The following ME1 variants were observed in gnomAD, a reference collection of about 807,000 sequenced individuals.
ME1 encodes malic enzyme 1.
A neutral mutation model predicts 66.4 loss-of-function variants in ME1; 74 were observed. The observed-to-expected ratio is 1.11, with a 90% CI of 0.92 to 1.35. The LOEUF (loss-of-function observed/expected upper bound fraction) is 1.35, where lower values mean the gene tolerates loss of function less well. ME1 is among the 40% of genes most tolerant of loss of function. The pLI, the probability that ME1 is intolerant of heterozygous loss-of-function variation, is 0.00. For missense variants in ME1, 750 were observed against 694.1 expected (o/e 1.08, Z -0.90); for synonymous variants, 251 against 235.6 (o/e 1.07, Z -0.60).
intron 1 of ME1, among the ~76,000 whole-genome samples, chr6:83,412,984 T>C (rs930580831): frequency 3.9e-5 from 6 of 152,344 alleles, no homozygotes; most frequent in Middle Eastern, 3.4e-3. Flanking sequence ...TGAATTTTAT[T>C]AGACTCTATA....
At chr6:83,354,554 A>C (rs1011098214) in intron 3 of ME1, among the ~76,000 whole-genome samples, 1 of 152,142 alleles carries the variant, frequency 6.6e-6, no homozygotes, top group Non-Finnish European at 1.5e-5. Flanking sequence ...TCATTATTCA[A>C]TCTTCAGCTA....
intron 12 of ME1, among the ~76,000 whole-genome samples, chr6:83,220,591 G>A (rs1376297822): frequency 6.6e-6 from 1 of 152,162 alleles, no homozygotes; most frequent in Non-Finnish European, 1.5e-5. Flanking sequence ...TATTAAATTT[G>A]TGGTTGCAAA....
intron 1 of ME1, among the ~76,000 whole-genome samples, chr6:83,421,789 A>G (rs1396062392): frequency 6.6e-6 from 1 of 152,134 alleles, no homozygotes; most frequent in Admixed American, 6.5e-5. Context: ...TCTAGTCCCA[A>G]CTCCCAGGTA....
At position 83,417,205 on chromosome 6, in the gene ME1, A is replaced by G. The variant is rs561232081; in HGVS notation, c.79-9304T>C. Among the ~76,000 whole-genome samples, 13 of 152,000 alleles carry G rather than the reference A, an allele frequency of 8.6e-5. No individual in the cohort carries two copies. In the East Asian group the frequency reaches 2.5e-3, roughly 30 times the overall value. On this transcript the variant is annotated intron_variant, in intron 1 of 13. Coordinates refer to ENST00000369705, the MANE Select transcript of ME1 (RefSeq NM_002395.6). ...GCTGGAACTATACGCATACACCACCACATCTGGAAAAAAAATTTTTTTTTG... is the reference window on the plus strand; with the variant it reads ...GCTGGAACTATACGCATACACCACCGCATCTGGAAAAAAAATTTTTTTTTG...
At chr6:83,300,835 G>A (rs1767701476) in intron 6 of ME1, among the ~76,000 whole-genome samples, 1 of 151,644 alleles carries the variant, frequency 6.6e-6, no homozygotes, top group South Asian at 2.1e-4. Context: ...AAGAAAATAT[G>A]GTACATATAC....
chr6:83,320,585 G>A (rs1233736981), intron 5 of ME1, among the ~76,000 whole-genome samples: 1 of 152,212 alleles, frequency 6.6e-6, no homozygotes, highest in Admixed American at 6.5e-5. Flanking sequence ...AGCAGCTGAA[G>A]TTGAAGTGCC....
chr6:83,262,021 A>G (rs1358715071), intron 6 of ME1, among the ~76,000 whole-genome samples: 7 of 151,678 alleles, frequency 4.6e-5, no homozygotes, highest in Non-Finnish European at 7.4e-5. Context: ...CTCAAAAAAA[A>G]AAAAAAAAAG....
chr6:83,344,450 G>T (rs1248880426), intron 5 of ME1, among the ~76,000 whole-genome samples: 1 of 152,140 alleles, frequency 6.6e-6, no homozygotes, highest in Non-Finnish European at 1.5e-5. Flanking sequence ...GGCTGTGGTG[G>T]CATGTAACTG....
At chr6:83,265,539 T>C (rs1281945272) in intron 6 of ME1, among the ~76,000 whole-genome samples, 1 of 152,042 alleles carries the variant, frequency 6.6e-6, no homozygotes, top group Non-Finnish European at 1.5e-5. Context: ...CAGCTCAAAC[T>C]ATTCACCCGC....
At chr6:83,321,044 G>A (rs1049614897) in intron 5 of ME1, among the ~76,000 whole-genome samples, 6 of 152,114 alleles carry the variant, frequency 3.9e-5, no homozygotes, top group South Asian at 2.1e-4. Context: ...CCCAGGAAGC[G>A]CAGGGGGTTA....
intron 5 of ME1, among the ~76,000 whole-genome samples, chr6:83,327,927 G>A (rs1768333355): frequency 6.6e-6 from 1 of 152,140 alleles, no homozygotes; most frequent in Non-Finnish European, 1.5e-5. Context: ...GCCAGCCGAT[G>A]CTTAGGAAAA....
intron 6 of ME1, among the ~76,000 whole-genome samples, chr6:83,286,220 T>C (rs948127188): frequency 6.6e-6 from 1 of 152,144 alleles, no homozygotes; most frequent in Non-Finnish European, 1.5e-5. Flanking sequence ...TTTCTTACCC[T>C]GAAAAATTAA....
At position 83,384,262 on chromosome 6, in the gene ME1, T is replaced by C. The variant is rs181341569; in HGVS notation, c.362+14105A>G. ...GAAATCTCCAAACTGCTTTCTACAG[T>C]GGCTAAAATAATTTACATTCCCACC... is the stretch of plus-strand genomic sequence containing the variant. On this transcript the variant is annotated intron_variant, in intron 3 of 13. Coordinates refer to ENST00000369705, the MANE Select transcript of ME1 (RefSeq NM_002395.6). Among the ~76,000 whole-genome samples the C allele has an allele frequency of 3.3e-5, 5 of 151,342 alleles. No homozygotes were observed. In the East Asian group the frequency reaches 7.7e-4, roughly 23 times the overall value.
intron 6 of ME1, among the ~76,000 whole-genome samples, chr6:83,308,896 T>C (rs1159690584): frequency 1.3e-5 from 2 of 151,884 alleles, no homozygotes; most frequent in Non-Finnish European, 2.9e-5. Context: ...GAAAAGGATA[T>C]TTGAGGAAAT....
intron 3 of ME1, among the ~76,000 whole-genome samples, chr6:83,396,146 A>T (rs12198419): frequency 0.33 from 50,594 of 151,830 alleles, 8,798 homozygotes; most frequent in Middle Eastern, 0.5. Flanking sequence ...GGTGGATCAC[A>T]TGAGGCCAAC....
intron 6 of ME1, among the ~76,000 whole-genome samples, chr6:83,260,766 T>C (rs1766868888): frequency 6.6e-6 from 1 of 152,196 alleles, no homozygotes; most frequent in Non-Finnish European, 1.5e-5. Context: ...TCCATCCATG[T>C]TCCTGCAAAG....
intron 1 of ME1, among the ~76,000 whole-genome samples, chr6:83,411,534 A>T (rs1000164151): frequency 1.3e-5 from 2 of 152,198 alleles, no homozygotes; most frequent in Admixed American, 6.5e-5. Flanking sequence ...TTTCATACTA[A>T]CAGAGACATA....
chr6:83,406,001 G>A (rs905736522), intron 2 of ME1, among the ~76,000 whole-genome samples: 5 of 152,148 alleles, frequency 3.3e-5, no homozygotes, highest in East Asian at 3.9e-4. Context: ...GATTACAGGC[G>A]TGAGCCACCG....
At chr6:83,412,038 A>G (rs1181696472) in intron 1 of ME1, among the ~76,000 whole-genome samples, 6 of 152,222 alleles carry the variant, frequency 3.9e-5, no homozygotes, top group Non-Finnish European at 2.9e-5. Context: ...AATTCCTGAC[A>G]TGACGAAGGA....
Sources: allele counts gnomAD v4.1 joint callset (sites outside exome capture counted in the v4.1 genomes callset), GRCh38; gene constraint gnomAD v4.1.1; transcripts MANE v1.5; gene names NCBI Gene and HGNC (gene_info 2026-07-23, HGNC 2026-07-21).